The following FSTL4 variants were observed in gnomAD, a reference collection of about 807,000 sequenced individuals.
FSTL4 encodes the protein follistatin-related protein 4.
In FSTL4, 28 loss-of-function variants were observed where a neutral mutation model predicts 78.2. That is an observed-to-expected ratio of 0.36 (90% CI 0.27 to 0.49). The LOEUF (loss-of-function observed/expected upper bound fraction) is 0.49. Among genes scored for constraint, FSTL4 ranks in the 20% least tolerant of loss-of-function variants. The pLI, the probability that FSTL4 is intolerant of heterozygous loss-of-function variation, is 0.98. For missense variants in FSTL4, 922 were observed against 1,084.9 expected, an observed-to-expected ratio of 0.85 and a Z score of 2.11; for synonymous variants, 422 against 440.5, an observed-to-expected ratio of 0.96 and a Z score of 0.53.
chr5:133,683,543 C>T, the FSTL4 span, among the ~76,000 whole-genome samples: 31 of 152,252 alleles, frequency 2.0e-4, no homozygotes, highest in Non-Finnish European at 2.8e-4. Context: ...ATAGAGAAGT[C>T]GGCACGTTCA....
intron 4 of FSTL4, among the ~76,000 whole-genome samples, chr5:133,322,237 A>AC (rs1754079230): frequency 9.3e-6 from 1 of 107,926 alleles, no homozygotes; most frequent in African/African-American, 5.0e-5. Flanking sequence ...ACACACACAC[A>AC]CACCCCCACA....
At chr5:133,634,663 A>G in the FSTL4 span, among the ~76,000 whole-genome samples, 2 of 152,168 alleles carry the variant, frequency 1.3e-5, no homozygotes, top group South Asian at 2.1e-4. Flanking sequence ...TCATTTGTTT[A>G]TTGTAAAAAT....
intron 2 of FSTL4, chr5:133,575,100 A>G (rs1760249979): frequency 6.6e-6 from 1 of 152,226 alleles, no homozygotes; most frequent in Non-Finnish European, 1.5e-5. Flanking sequence ...CAAATTACCC[A>G]GGAGTAATCA....
chr5:133,623,742 T>C, the FSTL4 span, among the ~76,000 whole-genome samples: 3 of 151,918 alleles, frequency 2.0e-5, no homozygotes, highest in African/African-American at 4.8e-5. Flanking sequence ...TGCATATATA[T>C]CTGATAAGGA....
intron 3 of FSTL4, among the ~76,000 whole-genome samples, chr5:133,524,985 T>G (rs1278881350): frequency 6.6e-6 from 1 of 152,234 alleles, no homozygotes; most frequent in Non-Finnish European, 1.5e-5. Flanking sequence ...AACAGACACA[T>G]GCACCACTAA....
chr5:133,662,850 T>G, the FSTL4 span, among the ~76,000 whole-genome samples: 1 of 152,164 alleles, frequency 6.6e-6, no homozygotes, highest in Non-Finnish European at 1.5e-5. Context: ...GTTTACTCAT[T>G]TAACCATGTG....
At chr5:133,485,455 A>G (rs1347461662) in intron 3 of FSTL4, among the ~76,000 whole-genome samples, 1 of 152,240 alleles carries the variant, frequency 6.6e-6, no homozygotes, top group Non-Finnish European at 1.5e-5. Context: ...ATTTGGGAAC[A>G]TTGAAAGTGA....
chr5:133,293,371 C>T (rs569335754), intron 6 of FSTL4, among the ~76,000 whole-genome samples: 71 of 152,300 alleles, frequency 4.7e-4, no homozygotes, highest in Non-Finnish European at 8.1e-4. Context: ...GTCTACAGGT[C>T]GGTCCTCCTC....
Position 133,199,146 on chromosome 5 carries a change from C to T in FSTL4, c.2478G>A (p.Glu826=). 1.3e-6 allele frequency: 2 copies of T among 1,594,566 alleles called. No individual in the cohort carries two copies. Among genetic ancestry groups the T allele is most frequent in the Non-Finnish European group, 1.7e-6 (2 of 1,167,980 alleles). The change falls in exon 16 of 16, where the codon GAG becomes GAA. Residue 826 remains glutamate (E), a synonymous_variant. Coordinates refer to ENST00000265342, the MANE Select transcript of FSTL4 (RefSeq NM_015082.2). The surrounding 1 kb of genome is among the most constrained non-coding windows in gnomAD (Gnocchi z 4.4). The part of the protein sequence containing the change: ...INGRQNTLRC[E]VSGIKGGTTV... ...TGGTCCCCCCCTTTATACCTGACAC[C>T]TCACACCGCAGCGTGTTTTGTCTCC...
chr5:133,224,169 C>CA (rs1377773098), intron 11 of FSTL4, 21 bp downstream of exon 11: 1 of 1,607,090 alleles, frequency 6.2e-7, no homozygotes, highest in Non-Finnish European at 8.5e-7. Flanking sequence ...AGGCATGACG[C>CA]AAAACAATGA....
intron 2 of FSTL4, chr5:133,583,352 G>T: frequency 3.7e-6 from 1 of 271,422 alleles, no homozygotes; most frequent in South Asian, 2.4e-5. Context: ...GAGCGACGCA[G>T]AAGACGGGTG....
chr5:133,812,664 C>A, the FSTL4 span, among the ~76,000 whole-genome samples: 4 of 152,230 alleles, frequency 2.6e-5, no homozygotes, highest in Admixed American at 2.0e-4. Context: ...TACTCAGTGT[C>A]CCCACTTTAT....
intron 3 of FSTL4, among the ~76,000 whole-genome samples, chr5:133,445,720 C>T (rs1208918534): frequency 1.3e-5 from 2 of 152,200 alleles, no homozygotes; most frequent in African/African-American, 4.8e-5. Context: ...CGTGCACAGG[C>T]CCTCCCGGGT....
intron 3 of FSTL4, among the ~76,000 whole-genome samples, chr5:133,499,799 G>A (rs1011175590): frequency 1.3e-5 from 2 of 151,984 alleles, no homozygotes; most frequent in African/African-American, 2.4e-5. Flanking sequence ...CTCTACCTCC[G>A]ACAGTACACA....
intron 4 of FSTL4, among the ~76,000 whole-genome samples, chr5:133,348,521 G>T (rs531227446): frequency 1.3e-5 from 2 of 152,352 alleles, no homozygotes; most frequent in African/African-American, 4.8e-5. Flanking sequence ...GGGGTCCCAG[G>T]ATGCCATGGG....
At chr5:133,650,469 A>T in the FSTL4 span, among the ~76,000 whole-genome samples, 1 of 152,120 alleles carries the variant, frequency 6.6e-6, no homozygotes, top group African/African-American at 2.4e-5. Context: ...TTTTCAGTTA[A>T]TTTTTGTGAA....
intron 6 of FSTL4, among the ~76,000 whole-genome samples, chr5:133,271,581 T>G (rs1752765587): frequency 6.6e-6 from 1 of 152,132 alleles, no homozygotes. Context: ...CTGAATTGAA[T>G]TTTAGCCTTA....
intron 4 of FSTL4, among the ~76,000 whole-genome samples, chr5:133,340,953 A>G (rs1754566157): frequency 6.6e-6 from 1 of 151,736 alleles, no homozygotes; most frequent in Non-Finnish European, 1.5e-5. Flanking sequence ...CTATTGTCAA[A>G]AGCTTTTAGG....
chr5:133,411,938 G>A (rs1004460990), intron 3 of FSTL4, among the ~76,000 whole-genome samples: 1 of 151,604 alleles, frequency 6.6e-6, no homozygotes, highest in African/African-American at 2.4e-5. Flanking sequence ...GGTGAAAAAC[G>A]GAAAAACCAC....
Sources: gnomAD v4.1 joint callset for allele counts (sites outside exome capture counted in the v4.1 genomes callset) on GRCh38, gnomAD v4.1.1 for gene constraint, Gnocchi (gnomAD v3.1) non-coding constraint, MANE v1.5 for transcripts, NCBI Gene and HGNC (gene_info 2026-07-23, HGNC 2026-07-21) for gene names.